MICOS10: variants seen among roughly 807,000 people sequenced by gnomAD.
MICOS10 encodes the protein mitochondrial contact site and cristae organizing system subunit 10.
MICOS10 carries 5 observed loss-of-function variants against 13.4 expected under a neutral mutation model. That is an observed-to-expected ratio of 0.37 (90% CI 0.20 to 0.78). The LOEUF is 0.78. Among genes scored for constraint, MICOS10 ranks in the 30% least tolerant of loss-of-function variants. MICOS10 has a pLI of 0.47. For missense variants in MICOS10, 101 were observed against 94.6 expected (o/e 1.07, Z -0.28); for synonymous variants, 35 against 33.6 (o/e 1.04, Z -0.15).
rs890381974 is a variant in MICOS10, at chr1:19,627,603, C to T, written c.*1202C>T. On this transcript the variant is annotated 3_prime_UTR_variant, in exon 4 of 4. Coordinates refer to ENST00000322753, the MANE Select transcript of MICOS10 (RefSeq NM_001032363.4). ...GGCCCCACAGGCGACGGAATGCCTGCGCTGGGACCCGAAGTTGACTGGGAA... is the reference window on the plus strand; with the variant it reads ...GGCCCCACAGGCGACGGAATGCCTGTGCTGGGACCCGAAGTTGACTGGGAA... The T allele has an allele frequency of 2.0e-5, 3 of 152,222 alleles. No homozygotes were observed. Among genetic ancestry groups the T allele is most frequent in the African/African-American group, 7.2e-5 (3 of 41,440 alleles). 9.4% of individuals were successfully genotyped at this position (152,222 alleles called of 1,614,324 possible).
intron 1 of MICOS10, chr1:19,597,715 C>T (rs1370647852): frequency 1.3e-5 from 2 of 152,748 alleles, no homozygotes; most frequent in African/African-American, 4.8e-5. Context: ...TCTGCGTAGT[C>T]CTTTAACACG....
At chr1:19,599,341 GCCACT>G (rs1169073958) in intron 1 of MICOS10, among the ~76,000 whole-genome samples, 1 of 152,136 alleles carries the variant, frequency 6.6e-6, no homozygotes, top group Non-Finnish European at 1.5e-5. Flanking sequence ...ACAAGCTTGA[GCCACT>G]GCACCCAGCC....
intron 1 of MICOS10, among the ~76,000 whole-genome samples, chr1:19,609,260 G>T (rs1045363879): frequency 6.6e-5 from 10 of 151,934 alleles, no homozygotes; most frequent in African/African-American, 2.4e-4. Flanking sequence ...TAACATCAGT[G>T]GCTGTTAGGG....
chr1:19,614,384 TCACA>T (rs140196069), intron 1 of MICOS10: 16,469 of 150,394 alleles, frequency 0.11, 3,034 homozygotes, highest in African/African-American at 0.38. Context: ...ACTCTCTCTT[TCACA>T]CACACACACT....
chr1:19,598,630 A>G (rs185039890), intron 1 of MICOS10, among the ~76,000 whole-genome samples: 11 of 134,610 alleles, frequency 8.2e-5, no homozygotes, highest in African/African-American at 1.1e-4. Flanking sequence ...AAAAAAGGAG[A>G]AGAAGAAGAA....
intron 1 of MICOS10, among the ~76,000 whole-genome samples, chr1:19,603,194 G>C (rs2094822339): frequency 6.6e-6 from 1 of 152,124 alleles, no homozygotes. Flanking sequence ...AGCCGGGCAT[G>C]GTGGTGCATG....
chr1:19,618,405 G>A lies in MICOS10; in HGVS notation c.65-3695G>A, dbSNP rs1321260511. On this transcript the variant is annotated intron_variant, in intron 1 of 3. Transcript: ENST00000322753. ...GATCCTCCCATCTTGGCCTCCTAAC[G>A]TGCTGGGATTACAGGCATGAGCTGC... Among the ~76,000 whole-genome samples, 8 of 152,120 alleles carry A rather than the reference G, an allele frequency of 5.3e-5. No homozygotes were observed. The East Asian group carries it at 9.6e-4, about 18-fold the overall frequency.
At chr1:19,603,897 A>G (rs1313207792) in intron 1 of MICOS10, among the ~76,000 whole-genome samples, 1 of 152,170 alleles carries the variant, frequency 6.6e-6, no homozygotes, top group African/African-American at 2.4e-5. Context: ...GTTTCCTGGA[A>G]AAGACTGTCC....
chr1:19,610,867 T>A (rs2094857935), intron 1 of MICOS10, among the ~76,000 whole-genome samples: 2 of 152,202 alleles, frequency 1.3e-5, no homozygotes, highest in South Asian at 4.1e-4. Context: ...AGGAAGGTAG[T>A]CTTAAGAAAG....
At chr1:19,617,457 C>A in intron 1 of MICOS10, 2 of 245,788 alleles carry the variant, frequency 8.1e-6, no homozygotes, top group Non-Finnish European at 1.3e-5. Context: ...CTTGGTCTGG[C>A]ACTTTCCTGG....
At chr1:19,617,602 T>C (rs1374560823) in intron 1 of MICOS10, among the ~76,000 whole-genome samples, 1 of 152,236 alleles carries the variant, frequency 6.6e-6, no homozygotes, top group Non-Finnish European at 1.5e-5. Context: ...GCATCTTTCA[T>C]AAATCAGGAA....
chr1:19,626,900 G>C lies in MICOS10; in HGVS notation c.*499G>C, dbSNP rs1381670562. The C allele has an allele frequency of 6.0e-6, 1 of 167,186 alleles. No homozygotes were observed. Among genetic ancestry groups the C allele is most frequent in the African/African-American group, 2.4e-5 (1 of 42,086 alleles). 10.4% of individuals were successfully genotyped at this position (167,186 alleles called of 1,614,324 possible). On this transcript the variant is annotated 3_prime_UTR_variant, in exon 4 of 4. Transcript: ENST00000322753. ...TTCCTTCTGTGGCACCTCTTCGTGT[G>C]TTCTCACCTGGGGACCTGGCAGGGC...
intron 1 of MICOS10, among the ~76,000 whole-genome samples, chr1:19,607,297 C>T (rs1321666816): frequency 6.6e-6 from 1 of 152,170 alleles, no homozygotes; most frequent in Non-Finnish European, 1.5e-5. Flanking sequence ...TGTAATTAGG[C>T]GCTATGTGGA....
chr1:19,607,184 G>A (rs2094838429), intron 1 of MICOS10, among the ~76,000 whole-genome samples: 1 of 152,214 alleles, frequency 6.6e-6, no homozygotes, highest in East Asian at 1.9e-4. Context: ...TTTGTTTTAT[G>A]TATATTTAAA....
chr1:19,618,930 C>G (rs887576812), intron 1 of MICOS10, among the ~76,000 whole-genome samples: 1 of 152,172 alleles, frequency 6.6e-6, no homozygotes, highest in Non-Finnish European at 1.5e-5. Flanking sequence ...GCTATTTTAA[C>G]TAATCTTTTA....
chr1:19,618,370 A>G (rs903161108), intron 1 of MICOS10, among the ~76,000 whole-genome samples: 8 of 151,952 alleles, frequency 5.3e-5, no homozygotes, highest in African/African-American at 1.9e-4. Context: ...TCAAACTCCT[A>G]GGCTCAAGCG....
Position 19,597,090 on chromosome 1 carries a change from G to C in MICOS10, c.45G>C (p.Ala15=). 1 of 1,600,948 alleles carries C rather than the reference G, an allele frequency of 6.2e-7. No individual in the cohort carries two copies. Among genetic ancestry groups the C allele is most frequent in the Non-Finnish European group, 8.5e-7 (1 of 1,174,542 alleles). The part of the protein sequence containing the change: ...ELGRKWDRCL[A]DAVVKIGTGF... ...GCAGGAAGTGGGACCGGTGTCTGGC[G>C]GATGCGGTCGTGAAGATAGGTAAGG... The change falls in exon 1 of 4, where the codon GCG becomes GCC. Residue 15 remains alanine, a synonymous_variant. Transcript: ENST00000322753.
At chr1:19,613,984 T>G (rs935252535) in intron 1 of MICOS10, among the ~76,000 whole-genome samples, 5 of 152,186 alleles carry the variant, frequency 3.3e-5, no homozygotes, top group Non-Finnish European at 5.9e-5. Flanking sequence ...ATTTAATCCT[T>G]GAGCATAAGT....
At chr1:19,598,261 C>T (rs938867855) in intron 1 of MICOS10, 1 of 152,118 alleles carries the variant, frequency 6.6e-6, no homozygotes, top group African/African-American at 2.4e-5. Flanking sequence ...ATTTGGAAAT[C>T]GGCAGTAATA....
Sources: allele counts gnomAD v4.1 joint callset (sites outside exome capture counted in the v4.1 genomes callset), GRCh38; gene constraint gnomAD v4.1.1; transcripts MANE v1.5; gene names NCBI Gene and HGNC (gene_info 2026-07-23, HGNC 2026-07-21).